Variants in RHBDL3 observed in about 807,000 individuals in gnomAD.
RHBDL3 encodes rhomboid like 3, also known as rhomboid-related protein 3.
Under a neutral mutation model 48.2 loss-of-function variants are expected in RHBDL3, and 28 were observed. That is an observed-to-expected ratio of 0.58 (90% CI 0.43 to 0.80). RHBDL3 has a LOEUF of 0.80. Among genes scored for constraint, RHBDL3 ranks in the 30% least tolerant of loss-of-function variants. The probability of loss-of-function intolerance (pLI) is 0.00; values close to 1 mark genes in which losing one functional copy is unlikely to be tolerated. For missense variants in RHBDL3, 464 were observed against 542.7 expected, an observed-to-expected ratio of 0.85 and a Z score of 1.44; for synonymous variants, 208 against 232.3, an observed-to-expected ratio of 0.90 and a Z score of 0.95.
chr17:32,294,151 T>C (rs993021098), intron 4 of RHBDL3, 143 bp from the exon 5 acceptor site: 14 of 565,362 alleles, frequency 2.5e-5, no homozygotes, highest in African/African-American at 1.6e-4. Context: ...AAAAACTCAG[T>C]TGGGCCCTGG....
chr17:32,292,029 C>T (rs1395566188), intron 4 of RHBDL3, among the ~76,000 whole-genome samples: 2 of 152,072 alleles, frequency 1.3e-5, no homozygotes, highest in African/African-American at 4.8e-5. Flanking sequence ...CTCGGCCTCC[C>T]AAAGTGCTGG....
At chr17:32,297,922 G>A (rs979221172) in intron 5 of RHBDL3, among the ~76,000 whole-genome samples, 170 bp from the exon 6 acceptor site, 3 of 152,132 alleles carry the variant, frequency 2.0e-5, no homozygotes, top group Non-Finnish European at 4.4e-5. Flanking sequence ...TTCCAAGATG[G>A]TCTGTCTGAA....
intron 8 of RHBDL3, among the ~76,000 whole-genome samples, chr17:32,320,414 C>A (rs2041096422): frequency 2.0e-5 from 3 of 152,192 alleles, no homozygotes; most frequent in Admixed American, 2.0e-4. Flanking sequence ...GCAACCTCCA[C>A]CTCCTGGGTT....
At chr17:32,317,789 A>C (rs1261549630) in intron 8 of RHBDL3, among the ~76,000 whole-genome samples, 1 of 152,240 alleles carries the variant, frequency 6.6e-6, no homozygotes, top group East Asian at 1.9e-4. Flanking sequence ...ATGGATAACC[A>C]GAGTTTTAGA....
chr17:32,305,294 A>G (rs1397605336), intron 6 of RHBDL3, 47 bp from the exon 7 acceptor site: 1 of 1,338,632 alleles, frequency 7.5e-7, no homozygotes, highest in Non-Finnish European at 1.1e-6. Context: ...GGGTTGGGTG[A>G]GCCGAGTCCC....
intron 7 of RHBDL3, among the ~76,000 whole-genome samples, chr17:32,314,944 C>T (rs1295755454): frequency 1.3e-5 from 2 of 152,206 alleles, no homozygotes; most frequent in East Asian, 1.9e-4. Flanking sequence ...CCACCTAAAG[C>T]GGGACCGCAG....
rs764354150 is a variant in RHBDL3, at chr17:32,266,293, C to G, written c.104C>G (p.Pro35Arg). The part of the protein sequence containing the change: ...PEAEERLPAA[P>R]EDHWKVLFDQ... ...GCCGAGGAGCGGCTGCCCGCGGCGC[C>G]GGAGGACGTGAGTGCCCCCTCCCCG... Residue 35 changes from proline to arginine, a missense_variant, in exon 1 of 9, where the codon CCG becomes CGG. Pro to Arg is a moderately radical substitution (Grantham distance 103). Transcript: ENST00000269051. 6 of 1,461,912 alleles carry G rather than the reference C, an allele frequency of 4.1e-6. No homozygotes were observed. The South Asian group carries it at 7.7e-5, about 19-fold the overall frequency. 90.6% of individuals were successfully genotyped at this position (1,461,912 alleles called of 1,614,324 possible).
chr17:32,313,788 A>G (rs11651449), intron 7 of RHBDL3, among the ~76,000 whole-genome samples: 68,316 of 129,002 alleles, frequency 0.53, 18,162 homozygotes, highest in Non-Finnish European at 0.58. Context: ...GACGAGTCTC[A>G]CTCTGTCGTC....
chr17:32,314,430 G>A lies in RHBDL3; in HGVS notation c.883-1802G>A, dbSNP rs977455857. Among the ~76,000 whole-genome samples the A allele has an allele frequency of 5.3e-5, 8 of 151,482 alleles. No individual in the cohort carries two copies. The South Asian group carries it at 6.3e-4, about 12-fold the overall frequency. ...GGAGTCTGGCTCAAGTAATCCACCC[G>A]CCTCAGCCTCCCAAAGTGCTGGGAT... On this transcript the variant is annotated intron_variant, in intron 7 of 8. Coordinates refer to ENST00000269051, the MANE Select transcript of RHBDL3 (RefSeq NM_138328.3).
chr17:32,270,132 CAAAAAAAAAAAA>C (rs66986205), intron 2 of RHBDL3, among the ~76,000 whole-genome samples: 7 of 68,102 alleles, frequency 1.0e-4, no homozygotes, highest in African/African-American at 4.0e-4. Flanking sequence ...GACCCTTTCT[CAAAAAAAAAAAA>C]AAAAAAAAAA....
chr17:32,309,382 G>A (rs1280635247), intron 7 of RHBDL3, among the ~76,000 whole-genome samples: 5 of 151,820 alleles, frequency 3.3e-5, no homozygotes, highest in Admixed American at 2.0e-4. Context: ...GAGAAACCCC[G>A]TCTCTACTAA....
At chr17:32,269,002 G>C (rs1377378588) in intron 2 of RHBDL3, among the ~76,000 whole-genome samples, 1 of 152,124 alleles carries the variant, frequency 6.6e-6, no homozygotes, top group African/African-American at 2.4e-5. Flanking sequence ...ATAGACCGTA[G>C]GTGAGGGGAA....
intron 6 of RHBDL3, among the ~76,000 whole-genome samples, chr17:32,304,347 A>G (rs1053467615): frequency 6.6e-6 from 1 of 152,140 alleles, no homozygotes; most frequent in Non-Finnish European, 1.5e-5. Context: ...TGTTGAACAG[A>G]GGGAGAGATG....
chr17:32,276,835 T>G (rs145286640), intron 2 of RHBDL3, among the ~76,000 whole-genome samples: 17 of 53,564 alleles, frequency 3.2e-4, no homozygotes, highest in African/African-American at 1.3e-3. Context: ...CCCTAGCACC[T>G]TACTCCGGCC....
intron 2 of RHBDL3, among the ~76,000 whole-genome samples, chr17:32,282,443 T>C (rs1179663902): frequency 6.6e-6 from 1 of 152,098 alleles, no homozygotes; most frequent in African/African-American, 2.4e-5. Context: ...GGCACACAAC[T>C]GTGGTCCCAG....
chr17:32,307,397 C>T (rs2040735917), intron 7 of RHBDL3, among the ~76,000 whole-genome samples: 1 of 152,174 alleles, frequency 6.6e-6, no homozygotes, highest in Non-Finnish European at 1.5e-5. Flanking sequence ...CAGGGCTTGG[C>T]GTTCCTGAAT....
At chr17:32,269,825 C>A (rs1318015588) in intron 2 of RHBDL3, among the ~76,000 whole-genome samples, 1 of 152,064 alleles carries the variant, frequency 6.6e-6, no homozygotes, top group African/African-American at 2.4e-5. Context: ...TGTATGTGTA[C>A]ATTTTAAAAC....
intron 7 of RHBDL3, among the ~76,000 whole-genome samples, chr17:32,309,798 G>C (rs75773026): frequency 0.27 from 21,948 of 80,042 alleles, 2,996 homozygotes; most frequent in African/African-American, 0.5. Flanking sequence ...TTTTTTTTTT[G>C]AGACAGGGTT....
chr17:32,321,115 C>A lies in RHBDL3; in HGVS notation c.1101C>A (p.Asp367Glu), dbSNP rs201166032. Residue 367 changes from aspartate to glutamate, a missense_variant, in exon 9 of 9, where the codon GAC becomes GAA. Transcript: ENST00000269051. Reference protein sequence around the residue: ...VLRNYEQRLQDQSLWWIFVAM... With the variant: ...VLRNYEQRLQEQSLWWIFVAM... Reference sequence around the variant, plus strand: ...GGAACTACGAGCAGAGGCTCCAGGACCAGTCACTGTGGTGGATTTTTGTGG... The same window carrying A: ...GGAACTACGAGCAGAGGCTCCAGGAACAGTCACTGTGGTGGATTTTTGTGG... The A allele has an allele frequency of 1.9e-6, 3 of 1,614,250 alleles. No homozygotes were observed. In the East Asian group the frequency reaches 6.7e-5, roughly 36 times the overall value.
Sources: allele counts gnomAD v4.1 joint callset (sites outside exome capture counted in the v4.1 genomes callset), GRCh38; gene constraint gnomAD v4.1.1; transcripts MANE v1.5; gene names NCBI Gene and HGNC (gene_info 2026-07-23, HGNC 2026-07-21).